WWC1: variants seen among roughly 807,000 people sequenced by gnomAD.
The protein encoded by WWC1 is WW and C2 domain containing 1, also known as protein KIBRA.
A neutral mutation model predicts 138.4 loss-of-function variants in WWC1; 55 were observed. That is an observed-to-expected ratio of 0.40 (90% CI 0.32 to 0.50). The LOEUF (loss-of-function observed/expected upper bound fraction) is 0.50, where lower values mean the gene tolerates loss of function less well. WWC1 is among the 20% of genes least tolerant of loss of function. WWC1 has a pLI of 0.72. For missense variants in WWC1, 1,226 were observed against 1,420.4 expected, an observed-to-expected ratio of 0.86 and a Z score of 2.20; for synonymous variants, 524 against 564.9, an observed-to-expected ratio of 0.93 and a Z score of 1.03.
intron 1 of WWC1, among the ~76,000 whole-genome samples, chr5:168,334,638 C>A (rs542768454): frequency 1.3e-5 from 2 of 152,330 alleles, no homozygotes; most frequent in South Asian, 4.1e-4. Flanking sequence ...TTCTCTACTG[C>A]ACTGCAAGCT....
intron 1 of WWC1, among the ~76,000 whole-genome samples, chr5:168,342,706 AAGAACTCCCAAAGGGT>A (rs1022886448): frequency 6.6e-6 from 1 of 152,122 alleles, no homozygotes; most frequent in Non-Finnish European, 1.5e-5. Context: ...TGGAAAGGGT[AAGAACTCCCAAAGGGT>A]AGATGAAGAG....
chr5:168,312,815 CTT>C lies in WWC1; in HGVS notation c.119+20566_119+20567del, dbSNP rs763253959. ...TCATGGGTGACTGGTATCCTAAGTA[CTT>C]TTTTTTTTTTTTTTTTTTTTTAGAG... On this transcript the variant is annotated intron_variant, in intron 1 of 22. Coordinates refer to ENST00000265293, the MANE Select transcript of WWC1 (RefSeq NM_015238.3). Among the ~76,000 whole-genome samples the C allele has an allele frequency of 3.1e-3, 383 of 123,734 alleles. 1 individual carries two copies. Among genetic ancestry groups the C allele is most frequent in the African/African-American group, 1.0e-2 (332 of 33,360 alleles). The allele number at this position is 123,734 out of a possible 152,430, so 81.2% of individuals were successfully genotyped here.
At chr5:168,358,420 A>C (rs753583903) in intron 1 of WWC1, among the ~76,000 whole-genome samples, 6 of 152,216 alleles carry the variant, frequency 3.9e-5, no homozygotes, top group Non-Finnish European at 5.9e-5. Flanking sequence ...GGACACAGTC[A>C]TGGAAACTCA....
At chr5:168,335,108 G>A (rs776533636) in intron 1 of WWC1, among the ~76,000 whole-genome samples, 4 of 152,092 alleles carry the variant, frequency 2.6e-5, no homozygotes, top group Non-Finnish European at 4.4e-5. Context: ...GTGAGGTGAG[G>A]GCTTTCTAAG....
rs1757558714 is a variant in WWC1, at chr5:168,469,190, CAG to C, written c.*175_*176del. On this transcript the variant is annotated 3_prime_UTR_variant, in exon 23 of 23. Coordinates refer to ENST00000265293, the MANE Select transcript of WWC1 (RefSeq NM_015238.3). ...TGGGTCCTACTGTTGTTATTAAAAA[CAG>C]AACAAAAACAAAACACACACACACA... 9 of 624,998 alleles carry C rather than the reference CAG, an allele frequency of 1.4e-5. No individual in the cohort carries two copies. The highest frequency in any genetic ancestry group is 2.5e-5 in the Non-Finnish European group (9 of 366,476). The allele number at this position is 624,998 out of a possible 1,614,324, so 38.7% of individuals were successfully genotyped here. A position where few individuals can be genotyped will look rare whatever the true frequency, so the allele number is the denominator to read the frequency against.
intron 11 of WWC1, 23 bp from the exon 12 acceptor site, chr5:168,428,010 G>A: frequency 1.2e-6 from 2 of 1,607,958 alleles, no homozygotes; most frequent in Non-Finnish European, 8.5e-7. Flanking sequence ...TCCTGAACCT[G>A]CCTTTCCATT....
chr5:168,365,691 T>A (rs529758070), intron 1 of WWC1, among the ~76,000 whole-genome samples: 4 of 152,290 alleles, frequency 2.6e-5, no homozygotes, highest in African/African-American at 9.6e-5. Context: ...GGTGTGCCTG[T>A]GTGCTGTTTG....
chr5:168,360,938 C>A (rs1247185374), intron 1 of WWC1, among the ~76,000 whole-genome samples: 1 of 152,216 alleles, frequency 6.6e-6, no homozygotes, highest in Non-Finnish European at 1.5e-5. Context: ...AGCCCAGCAC[C>A]TGGGAAGAGC....
chr5:168,360,672 G>T (rs1022456979), intron 1 of WWC1, among the ~76,000 whole-genome samples: 2 of 152,236 alleles, frequency 1.3e-5, no homozygotes, highest in Non-Finnish European at 1.5e-5. Flanking sequence ...TTGCCCAAGG[G>T]CATCGTCAGG....
intron 1 of WWC1, among the ~76,000 whole-genome samples, chr5:168,331,112 C>T (rs143645477): frequency 1.6e-3 from 239 of 152,286 alleles, no homozygotes; most frequent in African/African-American, 5.6e-3. Context: ...GCCCAAATCT[C>T]TCTCCCTGGG....
intron 2 of WWC1, among the ~76,000 whole-genome samples, chr5:168,373,753 A>AAGGTGGGG (rs1776939454): frequency 5.3e-5 from 6 of 113,140 alleles, no homozygotes; most frequent in Admixed American, 9.9e-5. Context: ...AAAAAAAAAA[A>AAGGTGGGG]AGGTGGGGGT....
intron 13 of WWC1, 63 bp downstream of exon 13, chr5:168,428,850 A>G: frequency 3.2e-6 from 5 of 1,569,988 alleles, no homozygotes; most frequent in Non-Finnish European, 4.4e-6. Flanking sequence ...CTTCATCCAC[A>G]GCGTTCCCCA....
intron 20 of WWC1, among the ~76,000 whole-genome samples, chr5:168,461,893 C>A (rs1756842264): frequency 6.6e-6 from 1 of 151,988 alleles, no homozygotes; most frequent in Admixed American, 6.6e-5. Context: ...TCCGTCTCTA[C>A]TAAAAATACA....
intron 3 of WWC1, among the ~76,000 whole-genome samples, chr5:168,389,597 G>GTTTT (rs55873477): frequency 4.6e-5 from 6 of 129,330 alleles, no homozygotes; most frequent in Non-Finnish European, 9.7e-5. Context: ...TTGAATTTTT[G>GTTTT]TTTTTTTTTT....
rs192364836 is a variant in WWC1 at position 168,331,975 on chromosome 5, A to G, written c.120-39449A>G. Among the ~76,000 whole-genome samples, 352 of 152,066 alleles carry G rather than the reference A, an allele frequency of 2.3e-3. 2 individuals carry two copies. The highest frequency in any genetic ancestry group is 7.9e-3 in the African/African-American group (329 of 41,502). On this transcript the variant is annotated intron_variant, in intron 1 of 22. Coordinates refer to ENST00000265293, the MANE Select transcript of WWC1 (RefSeq NM_015238.3). ...AGCCTGGCCAACATGAGGGAACCCC[A>G]TCTCTACTAAACATACAAAAATTAG...
chr5:168,320,446 G>T (rs1247253217), intron 1 of WWC1, among the ~76,000 whole-genome samples: 5 of 152,110 alleles, frequency 3.3e-5, no homozygotes, highest in Non-Finnish European at 7.3e-5. Context: ...TTTTAATCCT[G>T]TCTGCTCTCC....
intron 1 of WWC1, among the ~76,000 whole-genome samples, chr5:168,370,917 G>A (rs937261655): frequency 2.6e-5 from 4 of 152,208 alleles, no homozygotes; most frequent in Non-Finnish European, 4.4e-5. Context: ...AACTCACAGG[G>A]ATGGAACATC....
intron 16 of WWC1, 156 bp downstream of exon 16, chr5:168,441,990 C>T (rs1754816623): frequency 1.7e-6 from 2 of 1,154,188 alleles, no homozygotes; most frequent in Non-Finnish European, 2.3e-6. Flanking sequence ...GAGATCTCCA[C>T]TAAGGGGCAG....
At position 168,467,743 on chromosome 5, in the gene WWC1, G is replaced by A. The variant is rs116572056; in HGVS notation, c.3151-97G>A. The A allele has an allele frequency of 9.4e-4, 1,446 of 1,537,894 alleles. 13 individuals carry two copies. The African/African-American group carries it at 0.016, about 18-fold the overall frequency. On this transcript the variant is annotated intron_variant, in intron 21 of 22. Coordinates refer to ENST00000265293, the MANE Select transcript of WWC1 (RefSeq NM_015238.3). Reference sequence around the variant, plus strand: ...CACATGGAGCAAGAGTGAGGGTGCCGTCCCTACAGTAGCCCCCTCTGTTGT... The same window carrying A: ...CACATGGAGCAAGAGTGAGGGTGCCATCCCTACAGTAGCCCCCTCTGTTGT...
Sources: gnomAD v4.1 joint callset for allele counts (sites outside exome capture counted in the v4.1 genomes callset) on GRCh38, gnomAD v4.1.1 for gene constraint, MANE v1.5 for transcripts, NCBI Gene and HGNC (gene_info 2026-07-23, HGNC 2026-07-21) for gene names.